Variants in ARL6IP6 observed in about 807,000 individuals in gnomAD.
The protein encoded by ARL6IP6 is ADP-ribosylation factor-like protein 6-interacting protein 6.
A neutral mutation model predicts 21.5 loss-of-function variants in ARL6IP6; 22 were observed. That is an observed-to-expected ratio of 1.02 (90% confidence interval 0.73 to 1.46). ARL6IP6 has a LOEUF of 1.46. Ranked by LOEUF, ARL6IP6 falls within the 40% of genes most tolerant of loss-of-function variation. The pLI, the probability that ARL6IP6 is intolerant of heterozygous loss-of-function variation, is 0.00. For synonymous variants in ARL6IP6, 164 were observed against 125.3 expected, an observed-to-expected ratio of 1.31 and a Z score of -2.06; for missense variants, 388 against 299.8, an observed-to-expected ratio of 1.29 and a Z score of -2.17.
chr2:152,724,122 AAAAAAG>A (rs1699922980), intron 2 of ARL6IP6, among the ~76,000 whole-genome samples: 1 of 142,226 alleles, frequency 7.0e-6, no homozygotes, highest in Non-Finnish European at 1.6e-5. Context: ...AAAAAAAAAA[AAAAAAG>A]AGAGAAAGCC....
At position 152,760,017 on chromosome 2, in the gene ARL6IP6, CTGAGTAT is replaced by C. The variant is rs1701763225; in HGVS notation, c.*179_*185del. The C allele has an allele frequency of 1.8e-6, 1 of 545,084 alleles. No individual in the cohort carries two copies. Among genetic ancestry groups the C allele is most frequent in the Admixed American group, 3.2e-5 (1 of 30,858 alleles). The allele number at this position is 545,084 out of a possible 1,614,324, so 33.8% of individuals were successfully genotyped here. On this transcript the variant is annotated 3_prime_UTR_variant, in exon 4 of 4. Coordinates refer to ENST00000326446, the MANE Select transcript of ARL6IP6 (RefSeq NM_152522.7). ...CTTTTAAAGCATTGTTTTAGAATGT[CTGAGTAT>C]TAAGATACAGATTAATTGGGAATAT... is the stretch of plus-strand genomic sequence containing the variant.
rs1317366322 is a variant in ARL6IP6 at position 152,718,984 on chromosome 2, T to TCTCGCCTTCCTC, written c.367_378dup (p.Phe123_Ala126dup). On this transcript the variant is annotated inframe_insertion, in exon 1 of 4. Coordinates refer to ENST00000326446, the MANE Select transcript of ARL6IP6 (RefSeq NM_152522.7). ...TCTGCTCGCTGCTCTTCGCCATTCT[T>TCTCGCCTTCCTC]CTCGCCTTCCTCCTCGCCATCGCCT... is the stretch of plus-strand genomic sequence containing the variant. 6.3e-7 allele frequency: 1 copy of TCTCGCCTTCCTC among 1,585,878 alleles called. No homozygotes were observed. Among genetic ancestry groups the TCTCGCCTTCCTC allele is most frequent in the African/African-American group, 1.4e-5 (1 of 74,018 alleles).
rs1699433340 is a variant in ARL6IP6, at chr2:152,718,766, T to TGCGACCAAGTGGCCC, written c.149_163dup (p.Gln50_Asp54dup). Reference sequence around the variant, plus strand: ...AGGCGAAGTCGACGAGGAGGAGGGATGCGACCAAGTGGCCCGCGACCTGCG... The same window carrying TGCGACCAAGTGGCCC: ...AGGCGAAGTCGACGAGGAGGAGGGATGCGACCAAGTGGCCCGCGACCAAGTGGCCCGCGACCTGCG... On this transcript the variant is annotated inframe_insertion, in exon 1 of 4. Coordinates refer to ENST00000326446, the MANE Select transcript of ARL6IP6 (RefSeq NM_152522.7). The TGCGACCAAGTGGCCC allele has an allele frequency of 1.9e-6, 3 of 1,609,150 alleles. No homozygotes were observed. The African/African-American group carries it at 4.0e-5, about 22-fold the overall frequency.
intron 3 of ARL6IP6, among the ~76,000 whole-genome samples, chr2:152,741,840 A>G (rs549543482): frequency 6.4e-4 from 97 of 152,334 alleles, no homozygotes; most frequent in African/African-American, 2.3e-3. Context: ...GTGCAATATC[A>G]CATATATAAA....
At chr2:152,717,897 G>A, upstream of ARL6IP6, 1 of 1,012,730 alleles carries the variant, frequency 9.9e-7, no homozygotes, top group Non-Finnish European at 1.2e-6. Flanking sequence ...CGGTGGCTGG[G>A]ACCGAATGCG....
chr2:152,740,273 T>A (rs1327312179), intron 3 of ARL6IP6, among the ~76,000 whole-genome samples: 3 of 152,108 alleles, frequency 2.0e-5, no homozygotes, highest in Admixed American at 2.0e-4. Context: ...ATAATTTTTT[T>A]ATTTTTTGTA....
At chr2:152,745,416 A>T (rs1218008407) in intron 3 of ARL6IP6, among the ~76,000 whole-genome samples, 2 of 152,210 alleles carry the variant, frequency 1.3e-5, no homozygotes, top group African/African-American at 4.8e-5. Context: ...GGAAATAAGT[A>T]TATGTGGACA....
In ARL6IP6 at chr2:152,719,033, G is replaced by A. The variant is rs745658765; in HGVS notation, c.400+9G>A. Reference sequence around the variant, plus strand: ...CTACTTGATCGTTAAAGGTATTGAAGCCGACGCCTTGAAAGTCTGTCCAGA... The same window carrying A: ...CTACTTGATCGTTAAAGGTATTGAAACCGACGCCTTGAAAGTCTGTCCAGA... On this transcript the variant is annotated intron_variant, in intron 1 of 3. Coordinates refer to ENST00000326446, the MANE Select transcript of ARL6IP6 (RefSeq NM_152522.7). 6.5e-7 allele frequency: 1 copy of A among 1,531,496 alleles called. No individual in the cohort carries two copies. The highest frequency in any genetic ancestry group is 2.3e-5 in the East Asian group (1 of 42,708). The allele number at this position is 1,531,496 out of a possible 1,614,324, so 94.9% of individuals were successfully genotyped here.
chr2:152,736,279 T>G (rs965201911), intron 3 of ARL6IP6, among the ~76,000 whole-genome samples: 1 of 152,188 alleles, frequency 6.6e-6, no homozygotes, highest in Non-Finnish European at 1.5e-5. Flanking sequence ...GTAATGAGAC[T>G]CGTTTCAAAA....
At chr2:152,738,676 T>C (rs1700660829) in intron 3 of ARL6IP6, among the ~76,000 whole-genome samples, 1 of 152,174 alleles carries the variant, frequency 6.6e-6, no homozygotes, top group African/African-American at 2.4e-5. Context: ...GTCCTGAGAC[T>C]GCACAAAGCA....
chr2:152,741,067 T>C, intron 3 of ARL6IP6, among the ~76,000 whole-genome samples: 1 of 152,140 alleles, frequency 6.6e-6, no homozygotes, highest in East Asian at 1.9e-4. Flanking sequence ...ATATGCGACA[T>C]CATACTTTTA....
chr2:152,719,433 C>T (rs1302741508), intron 1 of ARL6IP6, among the ~76,000 whole-genome samples: 1 of 152,026 alleles, frequency 6.6e-6, no homozygotes, highest in Non-Finnish European at 1.5e-5. Context: ...TCCACCAATT[C>T]CTCTACACAG....
chr2:152,725,858 T>C (rs552856042), intron 2 of ARL6IP6, among the ~76,000 whole-genome samples: 7 of 152,362 alleles, frequency 4.6e-5, no homozygotes, highest in South Asian at 2.1e-4. Context: ...TTATTTCTTA[T>C]GAAAATTTTT....
intron 1 of ARL6IP6, 26 bp downstream of exon 1, chr2:152,719,050 C>G: frequency 6.6e-7 from 1 of 1,509,628 alleles, no homozygotes; most frequent in Non-Finnish European, 8.8e-7. Flanking sequence ...CCTTGAAAGT[C>G]TGTCCAGAGT....
chr2:152,736,130 T>C (rs1700541004), intron 3 of ARL6IP6, among the ~76,000 whole-genome samples: 2 of 152,164 alleles, frequency 1.3e-5, no homozygotes, highest in African/African-American at 4.8e-5. Context: ...TCCAATAAAT[T>C]TTAGTTATGT....
chr2:152,743,655 A>G (rs1476293059), intron 3 of ARL6IP6, among the ~76,000 whole-genome samples: 1 of 152,178 alleles, frequency 6.6e-6, no homozygotes, highest in Admixed American at 6.5e-5. Context: ...ATTTTATGCT[A>G]AAGATATCCA....
intron 2 of ARL6IP6, among the ~76,000 whole-genome samples, chr2:152,729,071 AATT>A (rs1324555850): frequency 6.6e-6 from 1 of 151,768 alleles, no homozygotes; most frequent in Non-Finnish European, 1.5e-5. Flanking sequence ...AAAAAAAAAA[AATT>A]AATATACATC....
intron 2 of ARL6IP6, among the ~76,000 whole-genome samples, chr2:152,731,584 C>G (rs1164788525): frequency 1.3e-5 from 2 of 152,148 alleles, no homozygotes; most frequent in Non-Finnish European, 2.9e-5. Flanking sequence ...TGCTGCTCCT[C>G]TGTTCAAAAA....
intron 2 of ARL6IP6, chr2:152,732,655 G>A (rs1241874194): frequency 2.5e-6 from 1 of 396,316 alleles, no homozygotes; most frequent in African/African-American, 2.1e-5. Flanking sequence ...TAATATGTGT[G>A]TTTACCTATA....
Sources: gnomAD v4.1 joint callset for allele counts (sites outside exome capture counted in the v4.1 genomes callset) on GRCh38, gnomAD v4.1.1 for gene constraint, MANE v1.5 for transcripts, NCBI Gene and HGNC (gene_info 2026-07-23, HGNC 2026-07-21) for gene names.